Variants in SGCD observed in about 807,000 individuals in gnomAD.
The protein encoded by SGCD is sarcoglycan delta.
In SGCD, 18 loss-of-function variants were observed where a neutral mutation model predicts 36.6. That is an observed-to-expected ratio of 0.49 (90% CI 0.34 to 0.73). The LOEUF (loss-of-function observed/expected upper bound fraction) is 0.73, where lower values mean the gene tolerates loss of function less well. Ranked by LOEUF, SGCD falls within the 30% of genes least tolerant of loss-of-function variation. The pLI, the probability that SGCD is intolerant of heterozygous loss-of-function variation, is 0.01. For synonymous variants in SGCD, 133 were observed against 130.6 expected (o/e 1.02, Z -0.12); for missense variants, 387 against 346.7 (o/e 1.12, Z -0.92).
chr5:156,153,688 A>G (rs1293180668), intron 3 of SGCD, among the ~76,000 whole-genome samples: 1 of 151,652 alleles, frequency 6.6e-6, no homozygotes, highest in Non-Finnish European at 1.5e-5. Context: ...CCATTCATTT[A>G]GAAATAGTGT....
chr5:156,479,518 C>T (rs941319450), intron 3 of SGCD, among the ~76,000 whole-genome samples: 10 of 152,156 alleles, frequency 6.6e-5, no homozygotes, highest in Admixed American at 6.5e-4. Flanking sequence ...TGGGCCCAAC[C>T]TCTGTAGGCA....
chr5:156,552,030 G>T (rs1758819756), intron 4 of SGCD, among the ~76,000 whole-genome samples: 1 of 152,152 alleles, frequency 6.6e-6, no homozygotes, highest in South Asian at 2.1e-4. Flanking sequence ...CCTTAAGGAA[G>T]GGTAGCATCT....
intron 7 of SGCD, among the ~76,000 whole-genome samples, chr5:156,673,281 C>T (rs1482488633): frequency 3.9e-5 from 6 of 152,172 alleles, no homozygotes; most frequent in African/African-American, 1.4e-4. Flanking sequence ...TATATCATTT[C>T]CGAAAGAGAA....
At chr5:155,821,080 G>A in the SGCD span, among the ~76,000 whole-genome samples, 2 of 152,168 alleles carry the variant, frequency 1.3e-5, no homozygotes, top group South Asian at 2.1e-4. Flanking sequence ...AGTCATAGAA[G>A]CACCATTCTA....
intron 3 of SGCD, among the ~76,000 whole-genome samples, chr5:156,379,910 A>G (rs1033927917): frequency 3.3e-5 from 5 of 152,210 alleles, no homozygotes; most frequent in Admixed American, 6.5e-5. Flanking sequence ...AGAAAAAGCA[A>G]AAAATTTGAC....
At chr5:155,742,375 G>C in the SGCD span, among the ~76,000 whole-genome samples, 32 of 152,048 alleles carry the variant, frequency 2.1e-4, no homozygotes, top group African/African-American at 7.5e-4. Context: ...TGGGTTCCTG[G>C]GAGAATAAAA....
intron 4 of SGCD, among the ~76,000 whole-genome samples, chr5:156,537,493 A>G (rs1405378559): frequency 6.6e-6 from 1 of 151,040 alleles, no homozygotes. Flanking sequence ...ACACACACAC[A>G]CACACACACA....
At chr5:155,988,617 C>T (rs185631527) in intron 1 of SGCD, among the ~76,000 whole-genome samples, 3 of 151,742 alleles carry the variant, frequency 2.0e-5, no homozygotes, top group East Asian at 3.9e-4. Context: ...TTCCAGATGT[C>T]GTATTGTCTA....
chr5:155,871,190 C>G (rs974734501), intron 1 of SGCD, among the ~76,000 whole-genome samples: 2 of 151,998 alleles, frequency 1.3e-5, no homozygotes, highest in Admixed American at 6.6e-5. Flanking sequence ...ATATAACCTC[C>G]TTGATATTTG....
chr5:156,470,834 GT>G (rs374255358), intron 3 of SGCD, among the ~76,000 whole-genome samples: 129 of 152,278 alleles, frequency 8.5e-4, no homozygotes, highest in African/African-American at 2.9e-3. Context: ...GTAAGCAACA[GT>G]TTCCTTAAAT....
In SGCD at chr5:156,187,811, A is replaced by T. The variant is rs577471026; in HGVS notation, c.-44+63792A>T. On this transcript the variant is annotated intron_variant, in intron 3 of 9. Transcript: ENST00000517913. ...TGTAATGAAAATTCATCTTGGCAAA[A>T]CTGCTTAATTTAAATCAGTGATTTT... 5.9e-5 allele frequency among the ~76,000 whole-genome samples: 9 copies of T among 152,310 alleles called. No individual in the cohort carries two copies. In the South Asian group the frequency reaches 1.9e-3, roughly 32 times the overall value.
chr5:155,882,321 C>A (rs2113297723), intron 1 of SGCD, among the ~76,000 whole-genome samples: 1 of 152,102 alleles, frequency 6.6e-6, no homozygotes. Flanking sequence ...TCAAGGGATC[C>A]ACCTGCCTTG....
At chr5:156,285,183 C>G (rs1424519631) in intron 3 of SGCD, among the ~76,000 whole-genome samples, 11 of 152,164 alleles carry the variant, frequency 7.2e-5, no homozygotes, top group African/African-American at 1.2e-4. Flanking sequence ...AGGATACAAA[C>G]AAATGGAAGA....
chr5:156,210,946 A>G (rs1239444402), intron 3 of SGCD, among the ~76,000 whole-genome samples: 3 of 152,072 alleles, frequency 2.0e-5, no homozygotes, highest in African/African-American at 7.2e-5. Context: ...GTGAATATCC[A>G]GGTACAGGAA....
intron 3 of SGCD, among the ~76,000 whole-genome samples, chr5:156,434,750 G>T (rs138905196): frequency 6.6e-6 from 1 of 152,138 alleles, no homozygotes; most frequent in African/African-American, 2.4e-5. Flanking sequence ...AACATGCACC[G>T]GTGAGCAGTA....
At chr5:155,751,455 G>A in the SGCD span, among the ~76,000 whole-genome samples, 3 of 151,892 alleles carry the variant, frequency 2.0e-5, no homozygotes, top group African/African-American at 7.3e-5. Context: ...GTGCAATTGC[G>A]GCTCACTCCG....
intron 3 of SGCD, among the ~76,000 whole-genome samples, chr5:156,478,763 T>C (rs541621592): frequency 1.3e-5 from 2 of 152,214 alleles, no homozygotes; most frequent in South Asian, 4.2e-4. Context: ...GTATTTTTAG[T>C]AGAGACGGGG....
chr5:156,643,745 T>G (rs945063558), intron 6 of SGCD, among the ~76,000 whole-genome samples: 2 of 152,180 alleles, frequency 1.3e-5, no homozygotes, highest in Non-Finnish European at 2.9e-5. Flanking sequence ...TTGACTTCCT[T>G]TCTCCATTTT....
At chr5:156,685,834 G>A (rs1038506522) in intron 7 of SGCD, among the ~76,000 whole-genome samples, 1 of 152,080 alleles carries the variant, frequency 6.6e-6, no homozygotes, top group African/African-American at 2.4e-5. Context: ...TCTTCTAAGT[G>A]AATAAAAAAC....
Sources: gnomAD v4.1 joint callset for allele counts (sites outside exome capture counted in the v4.1 genomes callset) on GRCh38, gnomAD v4.1.1 for gene constraint, MANE v1.5 for transcripts, NCBI Gene and HGNC (gene_info 2026-07-23, HGNC 2026-07-21) for gene names.